Variants in IQSEC1 observed in about 807,000 individuals in gnomAD.
IQSEC1 encodes the protein IQ motif and Sec7 domain ArfGEF 1, also known as IQ motif and SEC7 domain-containing protein 1.
Under a neutral mutation model 91.0 loss-of-function variants are expected in IQSEC1, and 31 were observed. The ratio of observed to expected loss-of-function variants is 0.34; its 90% CI spans 0.26 to 0.46. IQSEC1 has a LOEUF of 0.46. IQSEC1 is among the 20% of genes least tolerant of loss of function. The probability of loss-of-function intolerance (pLI) is 1.00; values close to 1 mark genes in which losing one functional copy is unlikely to be tolerated. For missense variants in IQSEC1, 1,388 were observed against 1,575.6 expected (o/e 0.88, Z 2.02); for synonymous variants, 699 against 662.6 (o/e 1.05, Z -0.84).
In IQSEC1 at chr3:12,922,711, G is replaced by A. The variant is rs73143338; in HGVS notation, c.1731-469C>T. Among the ~76,000 whole-genome samples, 2,107 of 152,226 alleles carry A rather than the reference G, an allele frequency of 0.014. 40 individuals are homozygous for A. Among genetic ancestry groups the A allele is most frequent in the African/African-American group, 0.048 (1,990 of 41,528 alleles). ...CCTGTTCTCTTGTGGGGAGAGTATC[G>A]GGGTGGTGGGCTGGGTTTTGCAGAT... On this transcript the variant is annotated intron_variant, in intron 4 of 13. Transcript: ENST00000613206. This position sits in a 1 kb window ranked among gnomAD's most constrained non-coding sequence, Gnocchi z 5.1.
At chr3:13,016,543 C>A (rs750911214) in intron 1 of IQSEC1, among the ~76,000 whole-genome samples, 1 of 152,182 alleles carries the variant, frequency 6.6e-6, no homozygotes, top group Non-Finnish European at 1.5e-5. Context: ...CCTGCCACCA[C>A]GGGGACTGCT....
At chr3:13,145,155 TC>T (rs1409313272) in intron 2 of IQSEC1, among the ~76,000 whole-genome samples, 1 of 152,160 alleles carries the variant, frequency 6.6e-6, no homozygotes, top group South Asian at 2.1e-4. Flanking sequence ...TAACCACGCC[TC>T]AACGGCTGTA....
Position 12,901,309 on chromosome 3 carries a change from A to C in IQSEC1, c.3019T>G (p.Ser1007Ala). ...PPVVLPHLQH[S>A]VAGHHLGPPE... The stretch of plus-strand genomic sequence containing the variant: ...GGCCCCAGGTGGTGGCCAGCCACAG[A>C]GTGCTGCAAGTGAGGCAGGACCACC... Residue 1007 changes from serine (S) to alanine (A), a missense_variant, in exon 14 of 14, where the codon TCT becomes GCT. By Grantham distance (99) the Ser-to-Ala change is moderately conservative. Around this residue, in one of 2 missense-constraint regions of IQSEC1, gnomAD observed 329 missense variants for 257.8 expected, o/e 1.28. Coordinates refer to ENST00000613206, the MANE Select transcript of IQSEC1 (RefSeq NM_001134382.3). The C allele has an allele frequency of 7.4e-7, 1 of 1,352,438 alleles. No individual in the cohort carries two copies. Among genetic ancestry groups the C allele is most frequent in the Non-Finnish European group, 9.7e-7 (1 of 1,027,810 alleles). The allele number at this position is 1,352,438 out of a possible 1,614,324, so 83.8% of individuals were successfully genotyped here.
intron 1 of IQSEC1, among the ~76,000 whole-genome samples, chr3:13,228,334 G>A (rs1694791680): frequency 6.6e-6 from 1 of 152,182 alleles, no homozygotes; most frequent in African/African-American, 2.4e-5. Flanking sequence ...GGGGAAGGAA[G>A]CGCACACGTG....
intron 1 of IQSEC1, among the ~76,000 whole-genome samples, chr3:13,011,328 A>C (rs1335933208): frequency 6.6e-6 from 1 of 152,206 alleles, no homozygotes; most frequent in Non-Finnish European, 1.5e-5. Flanking sequence ...TTAAAATTTT[A>C]AATTCAAATT....
In IQSEC1 at chr3:13,243,640, CGAG is replaced by C. The variant is rs975309493; in HGVS notation, c.272+39068_272+39070del. ...GAGACAGCCTCATTCCCCTCCAGAC[CGAG>C]GAGAAGTTCTAGTAACAGATCTGAC... is the stretch of plus-strand genomic sequence containing the variant. On this transcript the variant is annotated intron_variant, in intron 1 of 15. Coordinates refer to the IQSEC1 transcript ENST00000648114. Among the ~76,000 whole-genome samples the C allele has an allele frequency of 2.0e-5, 3 of 152,052 alleles. No individual in the cohort carries two copies. The East Asian group carries it at 5.8e-4, about 29-fold the overall frequency.
chr3:13,011,430 C>T (rs981348106), intron 1 of IQSEC1, among the ~76,000 whole-genome samples: 1 of 152,172 alleles, frequency 6.6e-6, no homozygotes, highest in Non-Finnish European at 1.5e-5. Flanking sequence ...TTATTTAATC[C>T]TCACTCTGGG....
chr3:13,059,261 A>C (rs1316534205), intron 1 of IQSEC1, among the ~76,000 whole-genome samples: 1 of 152,030 alleles, frequency 6.6e-6, no homozygotes, highest in Admixed American at 6.5e-5. Flanking sequence ...TCAGACCCCC[A>C]GGCCAGACCC....
At chr3:13,203,700 G>T (rs1306415694) in intron 1 of IQSEC1, among the ~76,000 whole-genome samples, 3 of 152,194 alleles carry the variant, frequency 2.0e-5, no homozygotes, top group Non-Finnish European at 4.4e-5. Flanking sequence ...AAGTCAGGGA[G>T]CCCTGTGCTG....
chr3:13,274,993 G>T (rs546841409), intron 1 of IQSEC1, among the ~76,000 whole-genome samples: 1 of 152,212 alleles, frequency 6.6e-6, no homozygotes, highest in Non-Finnish European at 1.5e-5. Context: ...GCAGCCCAGC[G>T]TGGTGGTGAA....
intron 1 of IQSEC1, among the ~76,000 whole-genome samples, chr3:13,017,897 C>G (rs1703215392): frequency 6.6e-6 from 1 of 152,098 alleles, no homozygotes; most frequent in Non-Finnish European, 1.5e-5. Context: ...CTGCCCATCC[C>G]AAACTCAGCT....
chr3:13,150,386 C>T (rs536031303), intron 2 of IQSEC1, among the ~76,000 whole-genome samples: 4 of 152,246 alleles, frequency 2.6e-5, no homozygotes, highest in African/African-American at 9.6e-5. Context: ...GTTGGTTTTT[C>T]GAATTAAGTT....
In IQSEC1 at chr3:12,967,858, T is replaced by A. The variant is rs1700697258; in HGVS notation, c.24-25993A>T. 6.2e-5 allele frequency among the ~76,000 whole-genome samples: 7 copies of A among 112,428 alleles called. No homozygotes were observed. In the South Asian group the frequency reaches 2.3e-3, roughly 37 times the overall value. The allele number at this position is 112,428 out of a possible 152,430, so 73.8% of individuals were successfully genotyped here. ...TGTGGGGAAGAGAGCACAGGAGGCG[T>A]GGCCACACGGCGCCGCGGAAGAAGC... On this transcript the variant is annotated intron_variant, in intron 1 of 13. Coordinates refer to ENST00000613206, the MANE Select transcript of IQSEC1 (RefSeq NM_001134382.3). The surrounding 1 kb of genome is among the most constrained non-coding windows in gnomAD (Gnocchi z 5.9).
chr3:13,268,673 A>C (rs1695540740), intron 1 of IQSEC1, among the ~76,000 whole-genome samples: 1 of 152,274 alleles, frequency 6.6e-6, no homozygotes, highest in African/African-American at 2.4e-5. Flanking sequence ...TCTTAATTGT[A>C]CACGTTTTCC....
chr3:13,022,078 A>C, intron 1 of IQSEC1: 1 of 1,231,638 alleles, frequency 8.1e-7, no homozygotes, highest in Non-Finnish European at 1.0e-6. Context: ...AAGGCTCCAC[A>C]CGGCACTGCC....
At chr3:13,231,493 CTT>C (rs1381612562) in intron 1 of IQSEC1, among the ~76,000 whole-genome samples, 3 of 152,156 alleles carry the variant, frequency 2.0e-5, no homozygotes, top group East Asian at 1.9e-4. Flanking sequence ...TTTCTCATCT[CTT>C]TTTATAAGGA....
intron 1 of IQSEC1, among the ~76,000 whole-genome samples, chr3:12,999,036 C>T (rs1362462530): frequency 2.0e-5 from 3 of 152,136 alleles, no homozygotes; most frequent in Non-Finnish European, 4.4e-5. Flanking sequence ...GCATGTATTA[C>T]TACATGCATG....
At chr3:12,991,619 G>A (rs1428100186) in intron 1 of IQSEC1, among the ~76,000 whole-genome samples, 2 of 152,220 alleles carry the variant, frequency 1.3e-5, no homozygotes, top group Non-Finnish European at 2.9e-5. Flanking sequence ...TCCCTGACCA[G>A]CACAAAGGCA....
intron 1 of IQSEC1, among the ~76,000 whole-genome samples, chr3:12,974,731 C>G (rs529817470): frequency 6.6e-6 from 1 of 152,356 alleles, no homozygotes; most frequent in South Asian, 2.1e-4. Flanking sequence ...CCTGCCAGCC[C>G]CAGCTGACGA....
Sources: allele counts gnomAD v4.1 joint callset (sites outside exome capture counted in the v4.1 genomes callset), GRCh38; gene constraint gnomAD v4.1.1; regional missense constraint gnomAD v4.1.1; non-coding constraint Gnocchi (gnomAD v3.1); transcripts MANE v1.5; gene names NCBI Gene and HGNC (gene_info 2026-07-23, HGNC 2026-07-21).